The following RBFOX1 variants were observed in gnomAD, a reference collection of about 807,000 sequenced individuals.
RBFOX1 encodes the protein RNA binding fox-1 homolog 1, also known as RNA binding protein fox-1 homolog 1.
A neutral mutation model predicts 57.7 loss-of-function variants in RBFOX1; 8 were observed. The ratio of observed to expected loss-of-function variants is 0.14; its 90% confidence interval spans 0.08 to 0.25. The LOEUF is 0.25. Ranked by LOEUF, RBFOX1 falls within the 10% of genes least tolerant of loss-of-function variation. The pLI, the probability that RBFOX1 is intolerant of heterozygous loss-of-function variation, is 1.00. For synonymous variants in RBFOX1, 326 were observed against 222.4 expected (o/e 1.47, Z -4.15); for missense variants, 611 against 548.5 (o/e 1.11, Z -1.14).
chr16:5,881,407 T>C (rs1462397213), intron 4 of RBFOX1, among the ~76,000 whole-genome samples: 1 of 152,178 alleles, frequency 6.6e-6, no homozygotes. Context: ...GGTCTGGGTG[T>C]GGTGGCTCAC....
intron 3 of RBFOX1, among the ~76,000 whole-genome samples, chr16:6,863,891 A>T (rs776408005): frequency 6.6e-6 from 1 of 151,846 alleles, no homozygotes; most frequent in Non-Finnish European, 1.5e-5. Context: ...TTTATTAAAC[A>T]GTTACCAATC....
chr16:7,356,341 A>T (rs1440219816), intron 4 of RBFOX1, among the ~76,000 whole-genome samples: 1 of 152,194 alleles, frequency 6.6e-6, no homozygotes, highest in African/African-American at 2.4e-5. Context: ...GCCCCAAGAC[A>T]CAGAGGGCCC....
intron 3 of RBFOX1, among the ~76,000 whole-genome samples, chr16:5,736,634 T>C (rs1358929963): frequency 6.6e-6 from 1 of 152,138 alleles, no homozygotes; most frequent in Non-Finnish European, 1.5e-5. Context: ...ATTTATTTTT[T>C]GAACAGTCTC....
intron 1 of RBFOX1, among the ~76,000 whole-genome samples, chr16:6,208,308 A>AT (rs914960692): frequency 7.2e-5 from 11 of 151,954 alleles, no homozygotes; most frequent in African/African-American, 1.9e-4. Flanking sequence ...GCTTTGTTTA[A>AT]TTTTTTTGTT....
chr16:5,399,458 A>G (rs1286821668), intron 1 of RBFOX1, among the ~76,000 whole-genome samples: 1 of 152,210 alleles, frequency 6.6e-6, no homozygotes, highest in Non-Finnish European at 1.5e-5. Context: ...ATTGCTCTTA[A>G]TCACCCCATT....
chr16:6,787,785 G>C (rs1488221220), intron 3 of RBFOX1, among the ~76,000 whole-genome samples: 1 of 152,182 alleles, frequency 6.6e-6, no homozygotes, highest in Non-Finnish European at 1.5e-5. Flanking sequence ...AAAGGACTTA[G>C]TCTTCCTCCA....
intron 3 of RBFOX1, among the ~76,000 whole-genome samples, chr16:6,865,000 T>TC (rs554179200): frequency 1.3e-4 from 15 of 116,994 alleles, no homozygotes; most frequent in East Asian, 2.5e-4. Flanking sequence ...TTTTTCTTTT[T>TC]TTTTTTTTTT....
intron 1 of RBFOX1, among the ~76,000 whole-genome samples, chr16:5,251,691 A>C (rs1281925012): frequency 6.6e-6 from 1 of 152,132 alleles, no homozygotes; most frequent in Non-Finnish European, 1.5e-5. Flanking sequence ...ATTCAAATTG[A>C]ATGGAAAAGG....
At chr16:5,250,657 C>A (rs1400590447) in intron 1 of RBFOX1, among the ~76,000 whole-genome samples, 1 of 152,122 alleles carries the variant, frequency 6.6e-6, no homozygotes, top group Non-Finnish European at 1.5e-5. Context: ...GGAAAGCCTG[C>A]TTTTCAGGCA....
At chr16:7,601,540 A>T (rs928080660) in intron 9 of RBFOX1, among the ~76,000 whole-genome samples, 1 of 152,218 alleles carries the variant, frequency 6.6e-6, no homozygotes, top group Admixed American at 6.5e-5. Context: ...GCAAACAGAC[A>T]GTCTTTGAAA....
At chr16:6,636,421 C>T (rs9931997) in intron 2 of RBFOX1, among the ~76,000 whole-genome samples, 4,175 of 152,000 alleles carry the variant, frequency 0.027, 205 homozygotes, top group African/African-American at 0.096. Flanking sequence ...CAGCCCGGCT[C>T]GGCCTCCCAA....
At chr16:5,880,252 G>T (rs1567663435) in intron 4 of RBFOX1, among the ~76,000 whole-genome samples, 1 of 152,122 alleles carries the variant, frequency 6.6e-6, no homozygotes, top group Non-Finnish European at 1.5e-5. Context: ...AGTTAGTAAG[G>T]GGTACAGTCA....
chr16:6,668,634 G>A (rs2098746747), intron 3 of RBFOX1, among the ~76,000 whole-genome samples: 1 of 152,150 alleles, frequency 6.6e-6, no homozygotes, highest in Non-Finnish European at 1.5e-5. Context: ...TTCACATGAT[G>A]TCATCCTCAT....
chr16:7,418,947 C>G (rs922409809), intron 4 of RBFOX1, among the ~76,000 whole-genome samples: 2 of 152,084 alleles, frequency 1.3e-5, no homozygotes, highest in African/African-American at 4.8e-5. Context: ...GTCTGTCACC[C>G]AGGTTGGAGT....
intron 3 of RBFOX1, among the ~76,000 whole-genome samples, chr16:6,764,540 G>C (rs750612980): frequency 1.3e-5 from 2 of 152,174 alleles, no homozygotes; most frequent in Non-Finnish European, 2.9e-5. Flanking sequence ...GCAACAACAG[G>C]AAATAAGGAC....
chr16:7,463,548 C>A (rs1267501784), intron 4 of RBFOX1, among the ~76,000 whole-genome samples: 1 of 152,122 alleles, frequency 6.6e-6, no homozygotes, highest in South Asian at 2.1e-4. Flanking sequence ...AGAGTCCTAC[C>A]CTTATGATGT....
At chr16:7,595,345 A>G (rs897876919) in intron 7 of RBFOX1, among the ~76,000 whole-genome samples, 1 of 152,198 alleles carries the variant, frequency 6.6e-6, no homozygotes, top group African/African-American at 2.4e-5. Flanking sequence ...GGTTACAGCT[A>G]ACTGGTGACA....
chr16:7,284,883 T>C (rs1046922113), intron 4 of RBFOX1, among the ~76,000 whole-genome samples: 1 of 151,718 alleles, frequency 6.6e-6, no homozygotes, highest in African/African-American at 2.4e-5. Flanking sequence ...GTTCCTTCTT[T>C]ATTGCCTGAG....
intron 2 of RBFOX1, among the ~76,000 whole-genome samples, chr16:6,538,039 CA>C (rs1162092050): frequency 3.3e-5 from 5 of 151,186 alleles, no homozygotes; most frequent in African/African-American, 1.2e-4. Flanking sequence ...GTAAAATTCA[CA>C]TAATATAAAA....
Sources: gnomAD v4.1 joint callset for allele counts (sites outside exome capture counted in the v4.1 genomes callset) on GRCh38, gnomAD v4.1.1 for gene constraint, MANE v1.5 for transcripts, NCBI Gene and HGNC (gene_info 2026-07-23, HGNC 2026-07-21) for gene names.